Variants in SRRT observed in about 807,000 individuals in gnomAD.
SRRT encodes the protein serrate RNA effector molecule homolog.
Under a neutral mutation model 103.2 loss-of-function variants are expected in SRRT, and 32 were observed. That is an observed-to-expected ratio of 0.31 (90% CI 0.23 to 0.42). The LOEUF (loss-of-function observed/expected upper bound fraction) is 0.42. Ranked by LOEUF, SRRT falls within the 10% of genes least tolerant of loss-of-function variation. The probability of loss-of-function intolerance (pLI) is 1.00; values close to 1 mark genes in which losing one functional copy is unlikely to be tolerated. For missense variants in SRRT, 986 were observed against 1,207.5 expected (o/e 0.82, Z 2.72); for synonymous variants, 525 against 449.0 (o/e 1.17, Z -2.14).
At chr7:100,877,204 C>T (rs1815815016) in intron 2 of SRRT, among the ~76,000 whole-genome samples, 1 of 151,224 alleles carries the variant, frequency 6.6e-6, no homozygotes, top group African/African-American at 2.4e-5. Context: ...GGGCAGATCA[C>T]GAGATCGAGA....
rs201575972 is a variant in SRRT, at chr7:100,888,050, C to G, written c.2335C>G (p.Pro779Ala). Residue 779 changes from proline (P) to alanine (A), a missense_variant, in exon 18 of 20, where the codon CCA becomes GCA. Pro to Ala is a conservative substitution (Grantham distance 27, BLOSUM62 -1). Coordinates refer to ENST00000611405, the MANE Select transcript of SRRT (RefSeq NM_015908.6). ...TGTCCCTGTCCGTGTTGTACTCCCC[C>G]CAGGTTTGACCCCAGGACTCCCCTA... ...QPPGPAQILP[P>A]GLTPGLPYPH... is the part of the protein sequence containing the mutation. 8.3e-6 allele frequency: 13 copies of G among 1,557,356 alleles called. No homozygotes were observed. The South Asian group carries it at 9.8e-5, about 12-fold the overall frequency.
At position 100,876,025 on chromosome 7, in the gene SRRT, C is replaced by T; in HGVS notation, c.122+313C>T. On this transcript the variant is annotated intron_variant, in intron 2 of 19. Transcript: ENST00000611405. Reference sequence around the variant, plus strand: ...TTGAGATGGGGTCTTGTTCTGCTGCCCTGGCTGGAGTGCATTGATGCAGTC... The same window carrying T: ...TTGAGATGGGGTCTTGTTCTGCTGCTCTGGCTGGAGTGCATTGATGCAGTC... 1.9e-5 allele frequency: 6 copies of T among 314,540 alleles called. 1 individual carries two copies. Among genetic ancestry groups the T allele is most frequent in the South Asian group, 1.6e-4 (6 of 36,504 alleles). 19.5% of individuals were successfully genotyped at this position (314,540 alleles called of 1,614,324 possible). A position where few individuals can be genotyped will look rare whatever the true frequency, so the allele number is the denominator to read the frequency against.
intron 2 of SRRT, chr7:100,875,974 C>T: frequency 2.5e-6 from 1 of 395,504 alleles, no homozygotes; most frequent in South Asian, 2.4e-5. Flanking sequence ...GAAAAGCGTG[C>T]TTTTTTGCTT....
intron 12 of SRRT, 99 bp from the exon 13 acceptor site, chr7:100,886,148 G>T: frequency 7.1e-7 from 1 of 1,417,534 alleles, no homozygotes; most frequent in South Asian, 1.3e-5. Context: ...CTCGCAGTCT[G>T]ATCAATCGCT....
chr7:100,886,528 T>C, intron 13 of SRRT, 93 bp downstream of exon 13: 1 of 1,323,984 alleles, frequency 7.6e-7, no homozygotes, highest in African/African-American at 1.5e-5. Context: ...CCTTGAACCC[T>C]TGCACCCACT....
intron 3 of SRRT, 53 bp from the exon 4 acceptor site, chr7:100,881,606 C>G: frequency 1.2e-6 from 2 of 1,610,408 alleles, no homozygotes; most frequent in Non-Finnish European, 1.7e-6. Context: ...ATCCTCCATG[C>G]TCTGGGGAGG....
Position 100,885,493 on chromosome 7 carries a change from G to A in SRRT, c.1317+123G>A. On this transcript the variant is annotated intron_variant, in intron 10 of 19. Transcript: ENST00000611405. This position sits in a 1 kb window ranked among gnomAD's most constrained non-coding sequence, Gnocchi z 4.8. ...ACCTGCTAGGGAGGCCCCTTCCCCAGGTTCCATGGCCTCCGAGGACTAGTC... is the reference window on the plus strand; with the variant it reads ...ACCTGCTAGGGAGGCCCCTTCCCCAAGTTCCATGGCCTCCGAGGACTAGTC... 1 of 1,203,644 alleles carries A rather than the reference G, an allele frequency of 8.3e-7. No individual in the cohort carries two copies. The highest frequency in any genetic ancestry group is 1.2e-6 in the Non-Finnish European group (1 of 864,152). The allele number at this position is 1,203,644 out of a possible 1,614,324, so 74.6% of individuals were successfully genotyped here.
Position 100,885,219 on chromosome 7 carries a change from C to CG in SRRT, c.1167dup (p.Leu390AlafsTer30). On this transcript the variant is annotated frameshift_variant, in exon 10 of 20. Coordinates refer to ENST00000611405, the MANE Select transcript of SRRT (RefSeq NM_015908.6). LOFTEE classifies it high-confidence loss of function. The surrounding 1 kb of genome is among the most constrained non-coding windows in gnomAD (Gnocchi z 4.8). ...TACCCCCCTTCCTGCCTAGAAGAAG[C>CG]GCTCAAGGAGAAGGAGAAGCCCAAG... 6.2e-7 allele frequency: 1 copy of CG among 1,613,588 alleles called. No individual in the cohort carries two copies. Among genetic ancestry groups the CG allele is most frequent in the Non-Finnish European group, 8.5e-7 (1 of 1,179,800 alleles).
At position 100,882,335 on chromosome 7, in the gene SRRT, G is replaced by A. The variant is rs1789652411; in HGVS notation, c.587+94G>A. 1.1e-5 allele frequency: 15 copies of A among 1,421,782 alleles called. No homozygotes were observed. The South Asian group carries it at 2.0e-4, about 19-fold the overall frequency. The allele number at this position is 1,421,782 out of a possible 1,614,324, so 88.1% of individuals were successfully genotyped here. ...CCCTGTCCTCTTCCCAGTTTTCCCTGTCCAGAACTTTCTGGGGGCGGGGGT... is the reference window on the plus strand; with the variant it reads ...CCCTGTCCTCTTCCCAGTTTTCCCTATCCAGAACTTTCTGGGGGCGGGGGT... On this transcript the variant is annotated intron_variant, in intron 5 of 19. Coordinates refer to ENST00000611405, the MANE Select transcript of SRRT (RefSeq NM_015908.6). The surrounding 1 kb of genome is among the most constrained non-coding windows in gnomAD (Gnocchi z 4.2).
At chr7:100,883,326 C>G (rs771434121) in intron 5 of SRRT, among the ~76,000 whole-genome samples, 1 of 152,108 alleles carries the variant, frequency 6.6e-6, no homozygotes, top group African/African-American at 2.4e-5. Flanking sequence ...TTTTCGGTTT[C>G]TGGGACTTTC....
Position 100,886,232 on chromosome 7 carries a change from A to G in SRRT, c.1459-15A>G. 6.2e-7 allele frequency: 1 copy of G among 1,605,584 alleles called. No individual in the cohort carries two copies. Among genetic ancestry groups the G allele is most frequent in the Non-Finnish European group, 8.5e-7 (1 of 1,175,650 alleles). ...GGGTAAGTGGGGTAAGCTGCTGATG[A>G]TGTCTGCCCTCCAGCTCCGGGAGTG... is the stretch of plus-strand genomic sequence containing the variant. On this transcript the variant is annotated splice_polypyrimidine_tract_variant and intron_variant, in intron 12 of 19. Transcript: ENST00000611405.
At position 100,884,740 on chromosome 7, in the gene SRRT, G is replaced by T; in HGVS notation, c.943G>T (p.Ala315Ser). The change falls in exon 8 of 20, where the codon GCT becomes TCT. Residue 315 changes from alanine (A) to serine (S), a missense_variant and splice_region_variant. Physicochemically the swap from Ala to Ser is moderately conservative, Grantham distance 99 (BLOSUM62 1). Coordinates refer to ENST00000611405, the MANE Select transcript of SRRT (RefSeq NM_015908.6). The part of the protein sequence containing the change: ...KDEKKEDGKQ[A>S]ENDSSNDDKT... ...CCCCAGTGGTTGTCTCTTACCATAG[G>T]CTGAGAATGACAGTTCTAATGATGA... 1 of 1,613,868 alleles carries T rather than the reference G, an allele frequency of 6.2e-7. No homozygotes were observed. Among genetic ancestry groups the T allele is most frequent in the Non-Finnish European group, 8.5e-7 (1 of 1,179,820 alleles).
At position 100,887,539 on chromosome 7, in the gene SRRT, G is replaced by A; in HGVS notation, c.2169+26G>A. 6.2e-7 allele frequency: 1 copy of A among 1,609,800 alleles called. No individual in the cohort carries two copies. Among genetic ancestry groups the A allele is most frequent in the Non-Finnish European group, 8.5e-7 (1 of 1,177,176 alleles). On this transcript the variant is annotated intron_variant, in intron 16 of 19. Coordinates refer to ENST00000611405, the MANE Select transcript of SRRT (RefSeq NM_015908.6). This position sits in a 1 kb window ranked among gnomAD's most constrained non-coding sequence, Gnocchi z 4.1. ...GTGTGGGATGTTGGAGAATGGCCGTGCTACGGTGGTGGGAGGTGGGGTTGA... is the reference window on the plus strand; with the variant it reads ...GTGTGGGATGTTGGAGAATGGCCGTACTACGGTGGTGGGAGGTGGGGTTGA...
intron 2 of SRRT, 82 bp from the exon 3 acceptor site, chr7:100,881,203 C>T (rs1408027677): frequency 1.3e-5 from 20 of 1,496,020 alleles, no homozygotes; most frequent in Admixed American, 3.6e-5. Context: ...GTGTTCTCTG[C>T]CTCGGCCTCA....
intron 3 of SRRT, 39 bp downstream of exon 3, chr7:100,881,452 A>C (rs776485744): frequency 1.2e-6 from 2 of 1,601,270 alleles, no homozygotes; most frequent in Non-Finnish European, 1.7e-6. Context: ...CCTTTGCCTC[A>C]GTTCCACCTG....
chr7:100,875,881 T>C (rs1247555493), intron 2 of SRRT, 169 bp downstream of exon 2: 2 of 770,524 alleles, frequency 2.6e-6, no homozygotes, highest in East Asian at 2.8e-5. Flanking sequence ...TAACTAGCTG[T>C]GGCTTGGTTT....
At position 100,882,311 on chromosome 7, in the gene SRRT, C is replaced by T; in HGVS notation, c.587+70C>T. ...CTGGCCCCGCTGGTGGAGCCACAGC[C>T]CTGTCCTCTTCCCAGTTTTCCCTGT... On this transcript the variant is annotated intron_variant, in intron 5 of 19. Coordinates refer to ENST00000611405, the MANE Select transcript of SRRT (RefSeq NM_015908.6). This position sits in a 1 kb window ranked among gnomAD's most constrained non-coding sequence, Gnocchi z 4.2. 6.6e-7 allele frequency: 1 copy of T among 1,525,044 alleles called. No individual in the cohort carries two copies. The allele number at this position is 1,525,044 out of a possible 1,614,324, so 94.5% of individuals were successfully genotyped here.
chr7:100,884,535 A>G lies in SRRT; in HGVS notation c.925A>G (p.Lys309Glu). The change falls in exon 7 of 20, where the codon AAG (lysine) becomes GAG (glutamate). Residue 309 changes from lysine to glutamate, a missense_variant. By Grantham distance (56) the Lys-to-Glu change is moderately conservative. Transcript: ENST00000611405. ...CAAAACCAACGACAAGGATGAGAAG[A>G]AGGAAGACGGCAAGCAGGTCCGAGC... Reference protein sequence around the residue: ...ERKTNDKDEKKEDGKQAENDS... With the variant: ...ERKTNDKDEKEEDGKQAENDS... 2.0e-6 allele frequency: 3 copies of G among 1,503,186 alleles called. No homozygotes were observed. The highest frequency in any genetic ancestry group is 1.1e-5 in the South Asian group (1 of 89,456). 93.1% of individuals were successfully genotyped at this position (1,503,186 alleles called of 1,614,324 possible).
In SRRT at chr7:100,885,539, C is replaced by T; in HGVS notation, c.1318-162C>T. The T allele has an allele frequency of 9.3e-7, 1 of 1,071,014 alleles. No homozygotes were observed. The highest frequency in any genetic ancestry group is 1.4e-6 in the Non-Finnish European group (1 of 738,358). 66.3% of individuals were successfully genotyped at this position (1,071,014 alleles called of 1,614,324 possible). A position where few individuals can be genotyped will look rare whatever the true frequency, so the allele number is the denominator to read the frequency against. Reference sequence around the variant, plus strand: ...TAGTCCTGATAGCGCCATTGGCTTTCAGGTGCTGGTGTTCTGAAGCCCTTT... The same window carrying T: ...TAGTCCTGATAGCGCCATTGGCTTTTAGGTGCTGGTGTTCTGAAGCCCTTT... On this transcript the variant is annotated intron_variant, in intron 10 of 19. Transcript: ENST00000611405. The surrounding 1 kb of genome is among the most constrained non-coding windows in gnomAD (Gnocchi z 4.8).
Sources: allele counts gnomAD v4.1 joint callset (sites outside exome capture counted in the v4.1 genomes callset), GRCh38; gene constraint gnomAD v4.1.1; non-coding constraint Gnocchi (gnomAD v3.1); transcripts MANE v1.5; gene names NCBI Gene and HGNC (gene_info 2026-07-23, HGNC 2026-07-21).